The following VAV1 variants were observed in gnomAD, a reference collection of about 807,000 sequenced individuals.
VAV1 encodes vav guanine nucleotide exchange factor 1.
Under a neutral mutation model 128.1 loss-of-function variants are expected in VAV1, and 33 were observed. The ratio of observed to expected loss-of-function variants is 0.26; its 90% CI spans 0.20 to 0.34. The LOEUF is 0.34. VAV1 is among the 10% of genes least tolerant of loss of function. VAV1 has a pLI of 1.00. For synonymous variants in VAV1, 394 were observed against 409.8 expected (o/e 0.96, Z 0.47); for missense variants, 715 against 1,093.7 (o/e 0.65, Z 4.88).
rs1970669100 is a variant in VAV1 at position 6,777,302 on chromosome 19, T to C, written c.204+4291T>C. Among the ~76,000 whole-genome samples, 1 of 151,934 alleles carries C rather than the reference T, an allele frequency of 6.6e-6. No homozygotes were observed. Among genetic ancestry groups the C allele is most frequent in the Non-Finnish European group, 1.5e-5 (1 of 68,006 alleles). Reference sequence around the variant, plus strand: ...CCATCCATCCAGCAATGACAAGGTCTGCCAGGCCCTGTTCTTGGTGCTGGG... The same window carrying C: ...CCATCCATCCAGCAATGACAAGGTCCGCCAGGCCCTGTTCTTGGTGCTGGG... On this transcript the variant is annotated intron_variant, in intron 1 of 26. Coordinates refer to ENST00000602142, the MANE Select transcript of VAV1 (RefSeq NM_005428.4). The surrounding 1 kb of genome is among the most constrained non-coding windows in gnomAD (Gnocchi z 4.4).
At chr19:6,842,767 G>A (rs144402282) in intron 21 of VAV1, among the ~76,000 whole-genome samples, 338 of 152,218 alleles carry the variant, frequency 2.2e-3, no homozygotes, top group Middle Eastern at 0.02. Flanking sequence ...CTGGGAGATC[G>A]AGGCTGCAGT....
rs541178506 is a variant in VAV1, at chr19:6,772,800, C to T, written c.-8C>T. 1.9e-5 allele frequency: 31 copies of T among 1,611,786 alleles called. No individual in the cohort carries two copies. The highest frequency in any genetic ancestry group is 6.6e-5 in the South Asian group (6 of 90,910). ...GGGTGCACGGCCGGCCCTGGGCAGG[C>T]GGTAGCCATGGAGCTGTGGCGCCAA... On this transcript the variant is annotated 5_prime_UTR_variant, in exon 1 of 27. Transcript: ENST00000602142. This position sits in a 1 kb window ranked among gnomAD's most constrained non-coding sequence, Gnocchi z 4.8.
chr19:6,849,751 A>G (rs1476420471), intron 23 of VAV1, among the ~76,000 whole-genome samples: 2 of 152,212 alleles, frequency 1.3e-5, no homozygotes, highest in South Asian at 2.1e-4. Flanking sequence ...CGCTGCTGCA[A>G]TGCACATGAT....
intron 1 of VAV1, among the ~76,000 whole-genome samples, chr19:6,807,816 C>T (rs1971427899): frequency 6.6e-6 from 1 of 151,360 alleles, no homozygotes; most frequent in South Asian, 2.1e-4. Flanking sequence ...GATGGTGAAA[C>T]CCCATCTCTA....
In VAV1 at chr19:6,820,866, A is replaced by G. The variant is rs200511030; in HGVS notation, c.321+48A>G. The G allele has an allele frequency of 1.9e-5, 30 of 1,564,022 alleles. No homozygotes were observed. Among genetic ancestry groups the G allele is most frequent in the Non-Finnish European group, 2.3e-5 (26 of 1,135,078 alleles). On this transcript the variant is annotated intron_variant, in intron 2 of 26. Transcript: ENST00000602142. This position sits in a 1 kb window ranked among gnomAD's most constrained non-coding sequence, Gnocchi z 4.4. The stretch of plus-strand genomic sequence containing the variant: ...AAAGACTGAGTTTCAGTTAATTTCT[A>G]TTGACGTCTACACTGGGCAAGCTAA...
intron 2 of VAV1, among the ~76,000 whole-genome samples, chr19:6,821,186 G>A (rs796309494): frequency 1.2e-4 from 19 of 152,262 alleles, no homozygotes; most frequent in African/African-American, 4.6e-4. Context: ...CAGATCACGA[G>A]GTCAGGAGAT....
chr19:6,808,041 G>A (rs1375404076), intron 1 of VAV1, among the ~76,000 whole-genome samples: 10 of 149,806 alleles, frequency 6.7e-5, no homozygotes, highest in East Asian at 3.9e-4. Context: ...GGCCGGGCGC[G>A]GTGGCTCAAG....
At chr19:6,782,352 A>G (rs560033856) in intron 1 of VAV1, among the ~76,000 whole-genome samples, 155 of 151,974 alleles carry the variant, frequency 1.0e-3, no homozygotes, top group African/African-American at 3.6e-3. Context: ...AAATAAATAA[A>G]TAAAAATAAA....
At chr19:6,844,734 G>C (rs1285122515) in intron 22 of VAV1, among the ~76,000 whole-genome samples, 1 of 152,098 alleles carries the variant, frequency 6.6e-6, no homozygotes, top group Non-Finnish European at 1.5e-5. Context: ...TCTGCGCCGA[G>C]ATGTGGTCAA....
chr19:6,833,409 T>C (rs1972137402), intron 16 of VAV1, 119 bp from the exon 17 acceptor site: 8 of 1,373,332 alleles, frequency 5.8e-6, no homozygotes, highest in Non-Finnish European at 8.0e-6. Context: ...GATCTTCTGC[T>C]TCTCCGTCAC....
intron 23 of VAV1, among the ~76,000 whole-genome samples, chr19:6,848,321 C>CA (rs1187141356): frequency 6.6e-6 from 1 of 152,084 alleles, no homozygotes; most frequent in Non-Finnish European, 1.5e-5. Flanking sequence ...TATAGAGGCT[C>CA]AAAAAGGCTC....
At chr19:6,830,012 TA>T in intron 14 of VAV1, 94 bp downstream of exon 14, 3 of 1,570,206 alleles carry the variant, frequency 1.9e-6, no homozygotes, top group Non-Finnish European at 2.6e-6. Context: ...AGACTACATC[TA>T]CATGGAAGTG....
At chr19:6,811,099 G>A (rs1179753463) in intron 1 of VAV1, among the ~76,000 whole-genome samples, 2 of 152,068 alleles carry the variant, frequency 1.3e-5, no homozygotes, top group Admixed American at 6.5e-5. Flanking sequence ...GCAGTGGCAC[G>A]ATCTCAGCTC....
At chr19:6,807,561 C>T (rs775183200) in intron 1 of VAV1, among the ~76,000 whole-genome samples, 1 of 152,066 alleles carries the variant, frequency 6.6e-6, no homozygotes, top group Non-Finnish European at 1.5e-5. Flanking sequence ...CAGTTCCTAA[C>T]AGACCATGGA....
At chr19:6,856,583 G>A (rs990321807) in intron 26 of VAV1, among the ~76,000 whole-genome samples, 1 of 151,702 alleles carries the variant, frequency 6.6e-6, no homozygotes, top group African/African-American at 2.4e-5. Flanking sequence ...AATTAGCCGG[G>A]TGTGGTGGCA....
At chr19:6,810,480 G>T (rs1420296498) in intron 1 of VAV1, among the ~76,000 whole-genome samples, 3 of 152,060 alleles carry the variant, frequency 2.0e-5, no homozygotes, top group Non-Finnish European at 4.4e-5. Context: ...GAGGTGGGTG[G>T]ATCCCCTGAG....
At position 6,818,009 on chromosome 19, in the gene VAV1, G is replaced by A. The variant is rs1350518813; in HGVS notation, c.205-2693G>A. The stretch of plus-strand genomic sequence containing the variant: ...CCTTAAATTTGTTTTTGTAGAAATG[G>A]GATCTCATTATGTGGCCCCAGGCTG... On this transcript the variant is annotated intron_variant, in intron 1 of 26. Transcript: ENST00000602142. 3.3e-5 allele frequency among the ~76,000 whole-genome samples: 5 copies of A among 152,282 alleles called. 1 individual carries two copies. The East Asian group carries it at 9.6e-4, about 29-fold the overall frequency.
intron 1 of VAV1, among the ~76,000 whole-genome samples, chr19:6,806,389 A>AT (rs1377373562): frequency 6.6e-6 from 1 of 151,984 alleles, no homozygotes; most frequent in South Asian, 2.1e-4. Context: ...ACGGCCAACA[A>AT]TTTTTTTTAA....
rs1014746261 is a variant in VAV1 at position 6,777,319 on chromosome 19, G to A, written c.204+4308G>A. 6.6e-5 allele frequency among the ~76,000 whole-genome samples: 10 copies of A among 152,058 alleles called. No homozygotes were observed. Among genetic ancestry groups the A allele is most frequent in the African/African-American group, 2.4e-4 (10 of 41,398 alleles). Reference sequence around the variant, plus strand: ...ACAAGGTCTGCCAGGCCCTGTTCTTGGTGCTGGGGACAGTGGGAATAGCAC... The same window carrying A: ...ACAAGGTCTGCCAGGCCCTGTTCTTAGTGCTGGGGACAGTGGGAATAGCAC... On this transcript the variant is annotated intron_variant, in intron 1 of 26. Coordinates refer to ENST00000602142, the MANE Select transcript of VAV1 (RefSeq NM_005428.4). The surrounding 1 kb of genome is among the most constrained non-coding windows in gnomAD (Gnocchi z 4.4).
Sources: gnomAD v4.1 joint callset for allele counts (sites outside exome capture counted in the v4.1 genomes callset) on GRCh38, gnomAD v4.1.1 for gene constraint, Gnocchi (gnomAD v3.1) non-coding constraint, MANE v1.5 for transcripts, NCBI Gene and HGNC (gene_info 2026-07-23, HGNC 2026-07-21) for gene names.